HYCC2: variants seen among roughly 807,000 people sequenced by gnomAD.
The protein encoded by HYCC2 is hyccin PI4KA lipid kinase complex subunit 2.
chr2:201,043,065 T>G, the HYCC2 span, among the ~76,000 whole-genome samples: 1 of 152,208 alleles, frequency 6.6e-6, no homozygotes, highest in Admixed American at 6.5e-5. Flanking sequence ...CATAGGAGAC[T>G]CCATTTCGTT....
the HYCC2 span, among the ~76,000 whole-genome samples, chr2:201,009,830 G>A: frequency 9.9e-5 from 15 of 151,652 alleles, no homozygotes; most frequent in Admixed American, 2.0e-4. Flanking sequence ...CAGGCCAGGC[G>A]CGGTGGCTCA....
chr2:200,993,354 G>C, the HYCC2 span, among the ~76,000 whole-genome samples: 3 of 151,998 alleles, frequency 2.0e-5, no homozygotes, highest in African/African-American at 7.2e-5. Context: ...ATTGTATCAG[G>C]GTGAATTACT....
At chr2:200,977,412 G>A in the HYCC2 span, 1 of 152,076 alleles carries the variant, frequency 6.6e-6, no homozygotes, top group African/African-American at 2.4e-5. Flanking sequence ...TTATCTCCAG[G>A]GTTTCTTCTT....
chr2:201,034,096 A>C, the HYCC2 span, among the ~76,000 whole-genome samples: 1 of 152,124 alleles, frequency 6.6e-6, no homozygotes, highest in Admixed American at 6.6e-5. Flanking sequence ...ATACCACTTA[A>C]AAAAATGACT....
the HYCC2 span, among the ~76,000 whole-genome samples, chr2:201,041,624 T>G: frequency 6.6e-6 from 1 of 152,236 alleles, no homozygotes; most frequent in Non-Finnish European, 1.5e-5. Flanking sequence ...CTTCGGGGTT[T>G]GTAACTTCTT....
chr2:200,988,850 A>G, the HYCC2 span, among the ~76,000 whole-genome samples: 1 of 152,212 alleles, frequency 6.6e-6, no homozygotes, highest in Non-Finnish European at 1.5e-5. Context: ...GCTCCCTGAA[A>G]AGGAAAGTGA....
the HYCC2 span, chr2:200,979,528 GA>G: frequency 0.014 from 1,998 of 140,556 alleles, 16 homozygotes; most frequent in Non-Finnish European, 0.022. Flanking sequence ...TGCTAGGTGT[GA>G]AAAAAAAAAA....
chr2:201,020,403 ATGGAGAC>A, the HYCC2 span, among the ~76,000 whole-genome samples: 77 of 152,354 alleles, frequency 5.1e-4, 1 homozygote, highest in Admixed American at 2.0e-4. Context: ...AGGTGAAGAA[ATGGAGAC>A]AAGTAGACAG....
chr2:201,051,656 T>C, the HYCC2 span, among the ~76,000 whole-genome samples: 1 of 152,140 alleles, frequency 6.6e-6, no homozygotes, highest in African/African-American at 2.4e-5. Context: ...CAAGAAAACA[T>C]TTTCGAGAGA....
At chr2:201,019,536 C>T in the HYCC2 span, among the ~76,000 whole-genome samples, 2 of 151,846 alleles carry the variant, frequency 1.3e-5, no homozygotes, top group African/African-American at 4.8e-5. Context: ...GCTGATGGCT[C>T]GAGACCAGGA....
chr2:201,033,159 ATGTGTGTGTGTGTGTG>A, the HYCC2 span, among the ~76,000 whole-genome samples: 1 of 117,894 alleles, frequency 8.5e-6, no homozygotes, highest in Non-Finnish European at 1.7e-5. Context: ...ATGTGTGTGT[ATGTGTGTGTGTGTGTG>A]TGTGTGTGTG....
At chr2:201,002,805 G>A in the HYCC2 span, among the ~76,000 whole-genome samples, 3 of 152,218 alleles carry the variant, frequency 2.0e-5, no homozygotes, top group East Asian at 5.8e-4. Flanking sequence ...TTACAAGCGT[G>A]AGCCACTGCA....
the HYCC2 span, among the ~76,000 whole-genome samples, chr2:201,025,159 A>G: frequency 4.6e-5 from 7 of 152,104 alleles, no homozygotes; most frequent in African/African-American, 1.7e-4. Flanking sequence ...CCCAAGTAGA[A>G]AAAGCAAGCT....
chr2:201,033,161 G>A, the HYCC2 span, among the ~76,000 whole-genome samples: 1 of 80,706 alleles, frequency 1.2e-5, no homozygotes, highest in Non-Finnish European at 3.5e-5. Flanking sequence ...GTGTGTGTAT[G>A]TGTGTGTGTG....
the HYCC2 span, chr2:201,009,107 G>A: frequency 6.4e-6 from 9 of 1,414,376 alleles, no homozygotes; most frequent in Admixed American, 3.4e-5. Flanking sequence ...ATAAGGTACA[G>A]TATGAGACAA....
chr2:201,038,304 A>C, the HYCC2 span, among the ~76,000 whole-genome samples: 3 of 152,302 alleles, frequency 2.0e-5, no homozygotes, highest in South Asian at 2.1e-4. Flanking sequence ...GGGACTGTAA[A>C]CTAGTTCAAC....
the HYCC2 span, among the ~76,000 whole-genome samples, chr2:201,005,612 G>A: frequency 2.6e-5 from 4 of 152,066 alleles, no homozygotes; most frequent in South Asian, 4.1e-4. Context: ...TATATTTATC[G>A]CCTAGTTGTG....
At chr2:201,012,834 A>G in the HYCC2 span, among the ~76,000 whole-genome samples, 3,998 of 151,968 alleles carry the variant, frequency 0.026, 79 homozygotes, top group Non-Finnish European at 0.04. Context: ...AATCCCAGCT[A>G]CTCAGGAGGC....
chr2:201,034,809 CA>C, the HYCC2 span, among the ~76,000 whole-genome samples: 1 of 152,192 alleles, frequency 6.6e-6, no homozygotes, highest in East Asian at 1.9e-4. Flanking sequence ...CTGGTGGTGA[CA>C]AAATCTCTCA....
Sources: allele counts gnomAD v4.1 joint callset (sites outside exome capture counted in the v4.1 genomes callset), GRCh38; gene constraint gnomAD v4.1.1; transcripts MANE v1.5; gene names NCBI Gene and HGNC (gene_info 2026-07-23, HGNC 2026-07-21).